Variants in GABRA3 observed in about 807,000 individuals in gnomAD.
The protein encoded by GABRA3 is gamma-aminobutyric acid receptor subunit alpha-3.
In GABRA3, 10 loss-of-function variants were observed where a neutral mutation model predicts 30.1. The observed-to-expected ratio is 0.33, with a 90% CI of 0.20 to 0.56. GABRA3 has a LOEUF of 0.56. GABRA3 is among the 20% of genes least tolerant of loss of function. GABRA3 has a pLI of 0.89. For missense variants in GABRA3, 233 were observed against 392.0 expected, an observed-to-expected ratio of 0.59 and a Z score of 3.42; for synonymous variants, 151 against 146.8, an observed-to-expected ratio of 1.03 and a Z score of -0.21.
At chrX:152,299,334 G>T (rs1316431241) in intron 3 of GABRA3, among the ~76,000 whole-genome samples, 1 of 111,156 alleles carries the variant, frequency 9.0e-6, no homozygotes, top group Admixed American at 9.6e-5. Context: ...TTGAAAAGAG[G>T]TTAGAAAAAG....
At chrX:152,327,241 CAATAAT>C (rs1300008970) in intron 3 of GABRA3, among the ~76,000 whole-genome samples, 2 of 110,813 alleles carry the variant, frequency 1.8e-5, no homozygotes, top group East Asian at 2.8e-4. Flanking sequence ...GACTCCCACA[CAATAAT>C]AATGGGAGAC....
intron 3 of GABRA3, among the ~76,000 whole-genome samples, chrX:152,291,340 G>A (rs12394950): frequency 0.014 from 1,528 of 111,685 alleles, 5 homozygotes; most frequent in Non-Finnish European, 0.023. Flanking sequence ...AGGAATACTT[G>A]TGATTTTTGC....
At chrX:152,343,079 T>C (rs1298933837) in intron 3 of GABRA3, among the ~76,000 whole-genome samples, 1 of 111,585 alleles carries the variant, frequency 9.0e-6, no homozygotes, top group African/African-American at 3.3e-5. Context: ...TCTCTCTCTG[T>C]CTTTCTCTCC....
At chrX:152,418,933 C>G in intron 1 of GABRA3, among the ~76,000 whole-genome samples, 1 of 111,596 alleles carries the variant, frequency 9.0e-6, no homozygotes, top group Non-Finnish European at 1.9e-5. Flanking sequence ...AAATGTGGCA[C>G]ATATACACCA....
chrX:152,306,824 T>A (rs915623731), intron 3 of GABRA3, among the ~76,000 whole-genome samples: 2 of 111,929 alleles, frequency 1.8e-5, no homozygotes. Flanking sequence ...CAGAATCTGC[T>A]CTTTTAATTT....
chrX:152,412,633 A>T (rs1373805335), intron 1 of GABRA3, among the ~76,000 whole-genome samples: 1 of 111,888 alleles, frequency 8.9e-6, no homozygotes, highest in Non-Finnish European at 1.9e-5. Flanking sequence ...ATGATTCCAT[A>T]TATACAAAAT....
intron 1 of GABRA3, among the ~76,000 whole-genome samples, chrX:152,400,690 G>A (rs997385447): frequency 2.7e-5 from 3 of 111,199 alleles, no homozygotes; most frequent in Non-Finnish European, 3.8e-5. Context: ...AATAGATATA[G>A]TATCCTGGAT....
intron 4 of GABRA3, among the ~76,000 whole-genome samples, chrX:152,274,668 G>A (rs1485130926): frequency 9.1e-6 from 1 of 110,200 alleles, no homozygotes; most frequent in Admixed American, 9.8e-5. Context: ...GTGCTTGGAG[G>A]GAAATTGATA....
At chrX:152,382,322 C>T (rs762155804) in intron 1 of GABRA3, among the ~76,000 whole-genome samples, 5 of 112,152 alleles carry the variant, frequency 4.5e-5, no homozygotes, top group Non-Finnish European at 7.5e-5. Context: ...TGCTTTTACA[C>T]GGTTTGTGGG....
intron 1 of GABRA3, among the ~76,000 whole-genome samples, chrX:152,414,981 TA>T (rs964618988): frequency 9.1e-6 from 1 of 109,405 alleles, no homozygotes; most frequent in Non-Finnish European, 1.9e-5. Context: ...ACATAAAGAC[TA>T]AAAAGATTAG....
chrX:152,190,978 T>G (rs1397835440), intron 8 of GABRA3, among the ~76,000 whole-genome samples: 2 of 109,063 alleles, frequency 1.8e-5, no homozygotes, highest in Non-Finnish European at 3.8e-5. Context: ...AATATGACCT[T>G]GAATAAGGTG....
intron 1 of GABRA3, among the ~76,000 whole-genome samples, chrX:152,409,653 C>A (rs1387710541): frequency 1.8e-5 from 2 of 111,084 alleles, no homozygotes; most frequent in Non-Finnish European, 3.8e-5. Flanking sequence ...ACAAGGAGCC[C>A]AAACAACTCA....
intron 2 of GABRA3, among the ~76,000 whole-genome samples, chrX:152,353,977 T>C (rs1371308086): frequency 1.8e-5 from 2 of 111,846 alleles, no homozygotes; most frequent in East Asian, 2.8e-4. Flanking sequence ...TAAAATTACA[T>C]TTCTTATTTC....
intron 3 of GABRA3, among the ~76,000 whole-genome samples, chrX:152,303,913 C>T (rs1166875416): frequency 1.8e-5 from 2 of 111,303 alleles, no homozygotes; most frequent in African/African-American, 6.5e-5. Flanking sequence ...AACACCATGG[C>T]ATATGTATAC....
In GABRA3 at chrX:152,303,049, T is replaced by G. The variant is rs886214336; in HGVS notation, c.263-18314A>C. Among the ~76,000 whole-genome samples, 3 of 111,918 alleles carry G rather than the reference T, an allele frequency of 2.7e-5. No individual in the cohort carries two copies. In the East Asian group the frequency reaches 8.5e-4, roughly 32 times the overall value. On this transcript the variant is annotated intron_variant, in intron 3 of 9. Transcript: ENST00000370314. The stretch of plus-strand genomic sequence containing the variant: ...GTGCTGCACTGAACATACTGGTGCA[T>G]GTGTCTTTTTGGTAGAATTATTTAT...
intron 1 of GABRA3, among the ~76,000 whole-genome samples, chrX:152,368,354 T>C (rs1291436872): frequency 9.0e-6 from 1 of 111,481 alleles, no homozygotes; most frequent in Admixed American, 9.6e-5. Context: ...AATCACCTTT[T>C]TTAGATTAAT....
chrX:152,284,722 T>C lies in GABRA3; in HGVS notation c.276A>G (p.Glu92=), dbSNP rs754321433. 3.0e-5 allele frequency: 35 copies of C among 1,186,166 alleles called. No homozygotes were observed. In the Admixed American group the frequency reaches 7.1e-4, roughly 24 times the overall value. ...LRPGLGDAVT[E]VKTDIYVTSF... ...TGGTCACGTAGATGTCAGTCTTCAC[T>C]TCAGTCACTGCATCTGCGTGAAAGA... Residue 92 remains glutamate, a synonymous_variant, in exon 4 of 10, where the codon GAA becomes GAG. Transcript: ENST00000370314.
At chrX:152,355,745 TATTCAATCGTTCTGACCTAGCAAA>T (rs1374473951) in intron 2 of GABRA3, among the ~76,000 whole-genome samples, 3 of 112,089 alleles carry the variant, frequency 2.7e-5, no homozygotes, top group Admixed American at 1.9e-4. Flanking sequence ...AAATTGCTGA[TATTCAATCGTTCTGACCTAGCAAA>T]ATGTCAGTTT....
intron 1 of GABRA3, among the ~76,000 whole-genome samples, chrX:152,426,099 T>C (rs1353765075): frequency 9.0e-6 from 1 of 111,625 alleles, no homozygotes; most frequent in Non-Finnish European, 1.9e-5. Flanking sequence ...TATTATTTAA[T>C]GCCATCCAAG....
Sources: gnomAD v4.1 joint callset for allele counts (sites outside exome capture counted in the v4.1 genomes callset) on GRCh38, gnomAD v4.1.1 for gene constraint, MANE v1.5 for transcripts, NCBI Gene and HGNC (gene_info 2026-07-23, HGNC 2026-07-21) for gene names.